TBC1D5: variants seen among roughly 807,000 people sequenced by gnomAD.
The protein encoded by TBC1D5 is TBC1 domain family member 5, also known as TBC1 domain family, member 5.
A neutral mutation model predicts 100.3 loss-of-function variants in TBC1D5; 75 were observed. The ratio of observed to expected loss-of-function variants is 0.75; its 90% CI spans 0.62 to 0.91. TBC1D5 has a LOEUF of 0.91. Ranked by LOEUF, TBC1D5 falls within the 40% of genes least tolerant of loss-of-function variation. The pLI is 0.00. For missense variants in TBC1D5, 910 were observed against 942.4 expected, an observed-to-expected ratio of 0.97 and a Z score of 0.45; for synonymous variants, 323 against 325.6, an observed-to-expected ratio of 0.99 and a Z score of 0.09.
At chr3:17,460,153 G>A in intron 3 of TBC1D5, among the ~76,000 whole-genome samples, 1 of 151,896 alleles carries the variant, frequency 6.6e-6, no homozygotes, top group East Asian at 1.9e-4. Context: ...TTAATGACAT[G>A]TTATGGGAAG....
At chr3:17,161,010 T>C in exon 22 of TBC1D5, 1 of 1,614,210 alleles carries the variant, frequency 6.2e-7, no homozygotes, top group Non-Finnish European at 8.5e-7. Context: ...TCCTTGCTGC[T>C]GTCGTCATCA....
At chr3:17,509,439 A>G (rs2095877856) in intron 2 of TBC1D5, among the ~76,000 whole-genome samples, 1 of 152,058 alleles carries the variant, frequency 6.6e-6, no homozygotes, top group East Asian at 1.9e-4. Flanking sequence ...TGTACTCTAT[A>G]AAGGTTTGTA....
At chr3:17,234,605 C>T (rs1011518981) in intron 17 of TBC1D5, among the ~76,000 whole-genome samples, 36 of 152,128 alleles carry the variant, frequency 2.4e-4, no homozygotes, top group African/African-American at 8.7e-4. Context: ...TCAACAGAAT[C>T]ATTCTCTGGA....
chr3:17,742,101 C>A (rs563448562), upstream of TBC1D5, among the ~76,000 whole-genome samples: 2 of 152,304 alleles, frequency 1.3e-5, no homozygotes, highest in African/African-American at 4.8e-5. Flanking sequence ...GCCTTCCAGT[C>A]TAGACCCCGA....
chr3:17,558,137 T>C (rs1387194419), intron 2 of TBC1D5, among the ~76,000 whole-genome samples: 1 of 152,152 alleles, frequency 6.6e-6, no homozygotes, highest in African/African-American at 2.4e-5. Context: ...AACTATGACA[T>C]TATAAGAAAC....
intron 1 of TBC1D5, among the ~76,000 whole-genome samples, chr3:17,724,206 C>T (rs567993352): frequency 6.6e-6 from 1 of 152,036 alleles, no homozygotes; most frequent in Non-Finnish European, 1.5e-5. Flanking sequence ...TCCCAAATGG[C>T]TGTGCCTATG....
At chr3:17,168,641 G>C (rs146048028) in intron 19 of TBC1D5, among the ~76,000 whole-genome samples, 5 of 152,172 alleles carry the variant, frequency 3.3e-5, no homozygotes, top group African/African-American at 4.8e-5. Context: ...GTCTCCCGGG[G>C]AAGTACAAGA....
intron 3 of TBC1D5, among the ~76,000 whole-genome samples, chr3:17,440,923 T>C (rs1228868189): frequency 6.6e-6 from 1 of 152,138 alleles, no homozygotes; most frequent in Non-Finnish European, 1.5e-5. Flanking sequence ...ATTATGGTCA[T>C]GAGCCACCGT....
intron 1 of TBC1D5, among the ~76,000 whole-genome samples, chr3:17,667,569 A>G (rs1251654550): frequency 6.6e-6 from 1 of 151,896 alleles, no homozygotes; most frequent in African/African-American, 2.4e-5. Context: ...CTCCAACCTC[A>G]GTCTTCCAAG....
At chr3:17,249,766 G>C (rs762690477) in intron 16 of TBC1D5, among the ~76,000 whole-genome samples, 4 of 152,166 alleles carry the variant, frequency 2.6e-5, no homozygotes, top group Non-Finnish European at 1.5e-5. Flanking sequence ...TCAAGGAATA[G>C]GGAGGCCCAA....
chr3:17,456,956 C>CA (rs1269770665), intron 3 of TBC1D5, among the ~76,000 whole-genome samples: 4 of 151,940 alleles, frequency 2.6e-5, no homozygotes, highest in African/African-American at 9.7e-5. Flanking sequence ...AGTTATAAGA[C>CA]AAAAAGTTGA....
chr3:17,161,860 C>T (rs1329483998), intron 21 of TBC1D5, among the ~76,000 whole-genome samples: 1 of 151,618 alleles, frequency 6.6e-6, no homozygotes, highest in Admixed American at 6.6e-5. Context: ...CTTGGGTATG[C>T]ACACAGGGGT....
At chr3:17,686,981 A>G (rs1234341351) in intron 1 of TBC1D5, among the ~76,000 whole-genome samples, 1 of 152,120 alleles carries the variant, frequency 6.6e-6, no homozygotes, top group African/African-American at 2.4e-5. Flanking sequence ...AAAATAATAT[A>G]TATTTGGTTA....
At chr3:17,385,256 C>G (rs17043539) in intron 8 of TBC1D5, among the ~76,000 whole-genome samples, 60,216 of 151,750 alleles carry the variant, frequency 0.4, 12,601 homozygotes, top group Middle Eastern at 0.47. Flanking sequence ...AGTAATGATA[C>G]TTTAGGTAAT....
intron 15 of TBC1D5, 65 bp from the exon 16 acceptor site, chr3:17,258,656 A>G: frequency 7.9e-7 from 1 of 1,258,276 alleles, no homozygotes; most frequent in Non-Finnish European, 1.1e-6. Flanking sequence ...ATAAGAGGAC[A>G]GCAATGATCA....
At chr3:17,436,396 G>C (rs922359157) in intron 3 of TBC1D5, among the ~76,000 whole-genome samples, 1 of 152,064 alleles carries the variant, frequency 6.6e-6, no homozygotes, top group Non-Finnish European at 1.5e-5. Context: ...TATAATACTG[G>C]TTCTAGTAGA....
intron 1 of TBC1D5, among the ~76,000 whole-genome samples, chr3:17,714,153 T>C (rs918641199): frequency 2.0e-5 from 3 of 152,140 alleles, no homozygotes; most frequent in African/African-American, 7.2e-5. Context: ...TTCTAACCTG[T>C]CTGGGAGCTA....
At chr3:17,310,900 C>G (rs1418229911) in intron 13 of TBC1D5, among the ~76,000 whole-genome samples, 1 of 151,852 alleles carries the variant, frequency 6.6e-6, no homozygotes, top group Non-Finnish European at 1.5e-5. Flanking sequence ...GCTTTGGGAC[C>G]AACGATGACC....
intron 2 of TBC1D5, among the ~76,000 whole-genome samples, chr3:17,518,195 A>G (rs962364991): frequency 1.1e-4 from 16 of 152,280 alleles, no homozygotes; most frequent in African/African-American, 3.9e-4. Context: ...ACAAAACCCC[A>G]CCTTCAAGCC....
Sources: allele counts gnomAD v4.1 joint callset (sites outside exome capture counted in the v4.1 genomes callset), GRCh38; gene constraint gnomAD v4.1.1; transcripts MANE v1.5; gene names NCBI Gene and HGNC (gene_info 2026-07-23, HGNC 2026-07-21).